FRYL: variants seen among roughly 807,000 people sequenced by gnomAD.
FRYL encodes FRY like transcription coactivator.
Under a neutral mutation model 351.2 loss-of-function variants are expected in FRYL, and 150 were observed. The ratio of observed to expected loss-of-function variants is 0.43; its 90% confidence interval spans 0.37 to 0.49. The LOEUF (loss-of-function observed/expected upper bound fraction) is 0.49. Among genes scored for constraint, FRYL ranks in the 20% least tolerant of loss-of-function variants. The probability of loss-of-function intolerance (pLI) is 0.00; values close to 1 mark genes in which losing one functional copy is unlikely to be tolerated. For missense variants in FRYL, 3,036 were observed against 3,619.3 expected (o/e 0.84, Z 4.13); for synonymous variants, 1,153 against 1,257.1 (o/e 0.92, Z 1.75).
intron 3 of FRYL, among the ~76,000 whole-genome samples, chr4:48,636,057 T>A (rs1001199030): frequency 6.6e-6 from 1 of 152,138 alleles, no homozygotes; most frequent in Non-Finnish European, 1.5e-5. Flanking sequence ...AAAATAAACA[T>A]CTTTGTGTCA....
intron 28 of FRYL, 139 bp from the exon 29 acceptor site, chr4:48,565,830 T>G (rs2149080626): frequency 0.016 from 8,887 of 561,886 alleles, no homozygotes; most frequent in Middle Eastern, 0.023. Context: ...ACCTCCGCGG[T>G]AGCAGGGATC....
chr4:48,746,129 G>A (rs1772651608), intron 1 of FRYL, among the ~76,000 whole-genome samples: 1 of 152,180 alleles, frequency 6.6e-6, no homozygotes. Flanking sequence ...TGCGTGAACA[G>A]CAAAGGCACA....
At chr4:48,687,026 TG>T (rs1323018178) in intron 2 of FRYL, among the ~76,000 whole-genome samples, 1 of 152,072 alleles carries the variant, frequency 6.6e-6, no homozygotes, top group African/African-American at 2.4e-5. Flanking sequence ...GCTGGATTGG[TG>T]GGGGTGGGTC....
intron 4 of FRYL, among the ~76,000 whole-genome samples, chr4:48,626,519 T>C (rs1392378797): frequency 2.0e-5 from 3 of 152,066 alleles, no homozygotes; most frequent in Admixed American, 2.0e-4. Context: ...GCATGTATGA[T>C]GTGATTCTTT....
chr4:48,714,369 C>T (rs60645161), intron 1 of FRYL, among the ~76,000 whole-genome samples: 44,579 of 123,006 alleles, frequency 0.36, 8,778 homozygotes, highest in Admixed American at 0.51. Context: ...ATTGATAGAC[C>T]GCTAGCAAGA....
intron 1 of FRYL, among the ~76,000 whole-genome samples, chr4:48,712,240 G>C (rs1396244013): frequency 6.6e-6 from 1 of 152,170 alleles, no homozygotes; most frequent in Non-Finnish European, 1.5e-5. Context: ...CGAGTTGAGA[G>C]AAGAAGGCTT....
chr4:48,722,535 G>A (rs1336212861), intron 1 of FRYL, among the ~76,000 whole-genome samples: 1 of 152,102 alleles, frequency 6.6e-6, no homozygotes, highest in African/African-American at 2.4e-5. Flanking sequence ...ATTTCTAAGG[G>A]CTTTCACTGA....
chr4:48,670,803 C>G (rs1762526701), intron 3 of FRYL, among the ~76,000 whole-genome samples: 2 of 152,212 alleles, frequency 1.3e-5, no homozygotes, highest in South Asian at 2.1e-4. Context: ...CTGAATAGTA[C>G]TCCACTGTGT....
At chr4:48,641,095 C>T (rs1755221147) in intron 3 of FRYL, among the ~76,000 whole-genome samples, 1 of 152,120 alleles carries the variant, frequency 6.6e-6, no homozygotes, top group Non-Finnish European at 1.5e-5. Flanking sequence ...CTGGTGAGGC[C>T]AGTTGAATTG....
intron 6 of FRYL, 21 bp from the exon 7 acceptor site, chr4:48,619,391 T>C (rs906515589): frequency 1.5e-6 from 2 of 1,374,990 alleles, no homozygotes; most frequent in Non-Finnish European, 2.0e-6. Context: ...AATCCAAAAT[T>C]AGTACTGCAT....
chr4:48,507,569 C>G (rs1721452768), intron 59 of FRYL, among the ~76,000 whole-genome samples: 1 of 151,746 alleles, frequency 6.6e-6, no homozygotes, highest in African/African-American at 2.4e-5. Context: ...CCGGAGTGAG[C>G]CCAATACCCG....
chr4:48,617,143 G>A (rs1749649578), intron 7 of FRYL, among the ~76,000 whole-genome samples: 1 of 151,948 alleles, frequency 6.6e-6, no homozygotes, highest in Non-Finnish European at 1.5e-5. Flanking sequence ...TTAGCGTATG[G>A]GGATAATAGT....
intron 57 of FRYL, 46 bp from the exon 58 acceptor site, chr4:48,511,030 C>T: frequency 1.4e-6 from 2 of 1,395,570 alleles, no homozygotes; most frequent in Non-Finnish European, 2.0e-6. Context: ...CATAAGAAGG[C>T]CTTTTTTCAT....
chr4:48,678,444 G>C (rs941520236), intron 3 of FRYL, among the ~76,000 whole-genome samples: 1 of 141,218 alleles, frequency 7.1e-6, no homozygotes, highest in Non-Finnish European at 1.5e-5. Context: ...GGGAGGCGGA[G>C]GTTGCAGTGA....
chr4:48,709,259 A>AGTGG (rs1767752536), intron 2 of FRYL, among the ~76,000 whole-genome samples: 1 of 152,160 alleles, frequency 6.6e-6, no homozygotes, highest in Non-Finnish European at 1.5e-5. Flanking sequence ...CAGAATTAGA[A>AGTGG]TCACTGATCT....
chr4:48,715,778 A>G (rs1338778672), intron 1 of FRYL, among the ~76,000 whole-genome samples: 18 of 152,218 alleles, frequency 1.2e-4, no homozygotes. Context: ...AAACTACTTT[A>G]AAGTTCATAT....
chr4:48,768,346 G>A (rs945806689), intron 1 of FRYL, among the ~76,000 whole-genome samples: 1 of 152,158 alleles, frequency 6.6e-6, no homozygotes, highest in African/African-American at 2.4e-5. Context: ...CAAACAAAAC[G>A]AAAATCGTAG....
intron 1 of FRYL, among the ~76,000 whole-genome samples, chr4:48,778,559 G>A (rs547621248): frequency 1.3e-5 from 2 of 152,316 alleles, no homozygotes; most frequent in South Asian, 4.1e-4. Context: ...AGAAGAAACT[G>A]TCAAAAATGA....
Position 48,732,288 on chromosome 4 carries a change from G to A in FRYL, c.-383-21590C>T, listed in dbSNP as rs146860160. Among the ~76,000 whole-genome samples, 668 of 152,326 alleles carry A rather than the reference G, an allele frequency of 4.4e-3. 8 individuals carry two copies. The highest frequency in any genetic ancestry group is 0.015 in the African/African-American group (603 of 41,568). On this transcript the variant is annotated intron_variant, in intron 1 of 63. Coordinates refer to ENST00000358350, the MANE Select transcript of FRYL (RefSeq NM_015030.2). ...AAGCCAGGAAACAATAGATGCTGGA[G>A]AGGCTGTGGAAAAATAGGAATGCTT... is the stretch of plus-strand genomic sequence containing the variant.
Sources: gnomAD v4.1 joint callset for allele counts (sites outside exome capture counted in the v4.1 genomes callset) on GRCh38, gnomAD v4.1.1 for gene constraint, MANE v1.5 for transcripts, NCBI Gene and HGNC (gene_info 2026-07-23, HGNC 2026-07-21) for gene names.